Variants in FLNB observed in about 807,000 individuals in gnomAD.
FLNB encodes filamin B.
FLNB carries 111 observed loss-of-function variants against 250.6 expected under a neutral mutation model. That is an observed-to-expected ratio of 0.44 (90% CI 0.38 to 0.52). The LOEUF is 0.52. Ranked by LOEUF, FLNB falls within the 20% of genes least tolerant of loss-of-function variation. The pLI is 0.00. For synonymous variants in FLNB, 1,302 were observed against 1,372.1 expected (o/e 0.95, Z 1.13); for missense variants, 2,869 against 3,447.8 (o/e 0.83, Z 4.20).
rs112376686 is a variant in FLNB, at chr3:58,101,425, G to A, written c.1346-778G>A. Among the ~76,000 whole-genome samples the A allele has an allele frequency of 7.9e-5, 12 of 152,280 alleles. 1 individual carries two copies. The highest frequency in any genetic ancestry group is 2.9e-4 in the African/African-American group (12 of 41,550). On this transcript the variant is annotated intron_variant, in intron 8 of 45. Transcript: ENST00000295956. ...AGAAGATTTATTCTAGGGCATAAAGGTATCTTTTATCAACCTCTAGATACC... is the reference window on the plus strand; with the variant it reads ...AGAAGATTTATTCTAGGGCATAAAGATATCTTTTATCAACCTCTAGATACC...
intron 41 of FLNB, among the ~76,000 whole-genome samples, chr3:58,156,548 A>G (rs1216664160): frequency 1.3e-5 from 2 of 152,222 alleles, no homozygotes; most frequent in African/African-American, 4.8e-5. Context: ...GTGTTACCTC[A>G]GTAAATCCTT....
chr3:58,057,331 A>G (rs889878094), intron 1 of FLNB, among the ~76,000 whole-genome samples: 4 of 152,220 alleles, frequency 2.6e-5, no homozygotes, highest in African/African-American at 9.6e-5. Context: ...GATGGTTTGC[A>G]AGCACTGAAT....
chr3:58,065,666 A>G (rs1189376436), intron 1 of FLNB, among the ~76,000 whole-genome samples: 1 of 152,064 alleles, frequency 6.6e-6, no homozygotes, highest in Non-Finnish European at 1.5e-5. Flanking sequence ...AGGAGAAGAG[A>G]TGTTTAGGAG....
intron 1 of FLNB, among the ~76,000 whole-genome samples, chr3:58,072,698 G>A (rs1371215002): frequency 6.6e-6 from 1 of 152,164 alleles, no homozygotes; most frequent in Non-Finnish European, 1.5e-5. Flanking sequence ...TCTCTCTCTA[G>A]TCCTTATAAT....
intron 1 of FLNB, among the ~76,000 whole-genome samples, chr3:58,012,706 C>T (rs1034767254): frequency 6.6e-6 from 1 of 152,168 alleles, no homozygotes; most frequent in African/African-American, 2.4e-5. Context: ...CAGTTTGCCT[C>T]TTGTGTTTTC....
intron 4 of FLNB, among the ~76,000 whole-genome samples, chr3:58,082,592 G>A (rs2097210765): frequency 1.3e-5 from 2 of 152,080 alleles, no homozygotes; most frequent in Non-Finnish European, 2.9e-5. Flanking sequence ...CCAACATGGT[G>A]AAACCCTGTC....
At position 58,142,133 on chromosome 3, in the gene FLNB, G is replaced by A. The variant is rs573619742; in HGVS notation, c.5181+204G>A. 1.3e-5 allele frequency among the ~76,000 whole-genome samples: 2 copies of A among 152,134 alleles called. No homozygotes were observed. Among genetic ancestry groups the A allele is most frequent in the South Asian group, 2.1e-4 (1 of 4,798 alleles). On this transcript the variant is annotated intron_variant, in intron 30 of 45. Transcript: ENST00000295956. The surrounding 1 kb of genome is among the most constrained non-coding windows in gnomAD (Gnocchi z 4.3). ...CGTCACCATCCGTGCTCCACGAATC[G>A]CCAGCCGTCGTGTCTGTGATCACGC...
rs2097336593 is a variant in FLNB at position 58,146,878 on chromosome 3, T to C, written c.5613T>C (p.Asn1871=). Residue 1871 remains asparagine (N), a synonymous_variant, in exon 34 of 46, where the codon AAT becomes AAC. Transcript: ENST00000295956. ...AAGCAGAAATCAGCTGCATTGACAATAAAGATGGGACATGCACAGTGACCT... is the reference window on the plus strand; with the variant it reads ...AAGCAGAAATCAGCTGCATTGACAACAAAGATGGGACATGCACAGTGACCT... ...PSKAEISCID[N]KDGTCTVTYL... is the part of the protein sequence containing the mutation. 1 of 1,613,992 alleles carries C rather than the reference T, an allele frequency of 6.2e-7. No homozygotes were observed. Among genetic ancestry groups the C allele is most frequent in the Admixed American group, 1.7e-5 (1 of 59,992 alleles).
At chr3:58,088,893 C>T (rs2097221599) in intron 4 of FLNB, among the ~76,000 whole-genome samples, 1 of 152,180 alleles carries the variant, frequency 6.6e-6, no homozygotes, top group Admixed American at 6.5e-5. Flanking sequence ...CTTCCTCCAG[C>T]CAGAACTCCC....
chr3:58,053,379 A>C (rs1040058343), intron 1 of FLNB, among the ~76,000 whole-genome samples: 1 of 152,194 alleles, frequency 6.6e-6, no homozygotes, highest in Non-Finnish European at 1.5e-5. Flanking sequence ...TTGATTACTG[A>C]GAAGTCACAG....
At position 58,022,937 on chromosome 3, in the gene FLNB, C is replaced by T. The variant is rs1383892134; in HGVS notation, c.292+14081C>T. Among the ~76,000 whole-genome samples, 3 of 151,914 alleles carry T rather than the reference C, an allele frequency of 2.0e-5. No homozygotes were observed. In the South Asian group the frequency reaches 6.3e-4, roughly 32 times the overall value. ...GGTTCAAGCGATTCTCTTGCCTCAG[C>T]CTCCCGAGTAGCTGGGAATATAGTT... On this transcript the variant is annotated intron_variant, in intron 1 of 45. Coordinates refer to ENST00000295956, the MANE Select transcript of FLNB (RefSeq NM_001457.4).
intron 22 of FLNB, among the ~76,000 whole-genome samples, 167 bp from the exon 23 acceptor site, chr3:58,125,414 T>C (rs1045217097): frequency 6.6e-6 from 1 of 152,222 alleles, no homozygotes; most frequent in Non-Finnish European, 1.5e-5. Flanking sequence ...ATTATAGGTG[T>C]AAGCCACTGC....
chr3:58,125,330 G>A (rs922526993), intron 22 of FLNB, among the ~76,000 whole-genome samples: 4 of 151,852 alleles, frequency 2.6e-5, no homozygotes, highest in Non-Finnish European at 4.4e-5. Flanking sequence ...ATGGGGTCTC[G>A]CCATGTTGCC....
Position 58,101,930 on chromosome 3 carries a change from A to G in FLNB, c.1346-273A>G, listed in dbSNP as rs146883256. ...AAATGAAAGGTTAAATGCTGGAAGC[A>G]GGAGCACAGCATGGATTTGCTGTGC... On this transcript the variant is annotated intron_variant, in intron 8 of 45. Coordinates refer to ENST00000295956, the MANE Select transcript of FLNB (RefSeq NM_001457.4). 1.6e-4 allele frequency among the ~76,000 whole-genome samples: 25 copies of G among 152,364 alleles called. No homozygotes were observed. In the East Asian group the frequency reaches 4.2e-3, roughly 26 times the overall value.
At chr3:58,022,175 T>G (rs901147399) in intron 1 of FLNB, among the ~76,000 whole-genome samples, 1 of 152,222 alleles carries the variant, frequency 6.6e-6, no homozygotes, top group Non-Finnish European at 1.5e-5. Flanking sequence ...CTTGTTTACC[T>G]CTGTGGCTCT....
intron 1 of FLNB, among the ~76,000 whole-genome samples, chr3:58,042,345 G>GT (rs541022128): frequency 0.24 from 31,030 of 130,430 alleles, 5,899 homozygotes; most frequent in African/African-American, 0.51. Context: ...GTCTCTGTAG[G>GT]TTTTTTTTTT....
chr3:58,141,850 C>A lies in FLNB; in HGVS notation c.5110-8C>A. ...GTTCCCAACTAATCTCCATTTGCCA[C>A]TGACCAGGCCACAGATGGGGAAGTC... On this transcript the variant is annotated splice_region_variant and splice_polypyrimidine_tract_variant and intron_variant, in intron 29 of 45. Transcript: ENST00000295956. 6.2e-7 allele frequency: 1 copy of A among 1,613,938 alleles called. No individual in the cohort carries two copies. The highest frequency in any genetic ancestry group is 8.5e-7 in the Non-Finnish European group (1 of 1,179,768).
At chr3:58,160,880 G>T (rs184745567) in intron 42 of FLNB, among the ~76,000 whole-genome samples, 1 of 152,234 alleles carries the variant, frequency 6.6e-6, no homozygotes, top group East Asian at 1.9e-4. Flanking sequence ...TACTTGTGGG[G>T]GATGAGGTGG....
At chr3:58,012,306 T>C (rs1559634965) in intron 1 of FLNB, among the ~76,000 whole-genome samples, 1 of 151,988 alleles carries the variant, frequency 6.6e-6, no homozygotes, top group Non-Finnish European at 1.5e-5. Context: ...TTGTTTCTGT[T>C]TGGTTGATCA....
Sources: gnomAD v4.1 joint callset for allele counts (sites outside exome capture counted in the v4.1 genomes callset) on GRCh38, gnomAD v4.1.1 for gene constraint, Gnocchi (gnomAD v3.1) non-coding constraint, MANE v1.5 for transcripts, NCBI Gene and HGNC (gene_info 2026-07-23, HGNC 2026-07-21) for gene names.